Variants in MALRD1 observed in about 807,000 individuals in gnomAD.
MALRD1 encodes MAM and LDL-receptor class A domain-containing protein 1.
MALRD1 carries 247 observed loss-of-function variants against 242.1 expected under a neutral mutation model. That is an observed-to-expected ratio of 1.02 (90% CI 0.92 to 1.13). The LOEUF (loss-of-function observed/expected upper bound fraction) is 1.13, where lower values mean the gene tolerates loss of function less well. Among genes scored for constraint, MALRD1 ranks in the 50% most tolerant of loss-of-function variants. The pLI, the probability that MALRD1 is intolerant of heterozygous loss-of-function variation, is 0.00. For synonymous variants in MALRD1, 995 were observed against 866.6 expected, an observed-to-expected ratio of 1.15 and a Z score of -2.60; for missense variants, 2,989 against 2,533.1, an observed-to-expected ratio of 1.18 and a Z score of -3.86.
intron 31 of MALRD1, among the ~76,000 whole-genome samples, chr10:19,530,696 A>G (rs1834375451): frequency 6.6e-6 from 1 of 151,734 alleles, no homozygotes; most frequent in Admixed American, 6.6e-5. Flanking sequence ...TTGAGAAGAA[A>G]AGAAATAGTG....
intron 29 of MALRD1, chr10:19,491,221 G>T (rs921299671): frequency 3.3e-6 from 2 of 607,614 alleles, no homozygotes; most frequent in South Asian, 1.5e-5. Flanking sequence ...CCTTTACCAG[G>T]TTCCAGGTAG....
chr10:19,082,768 A>G (rs1835535116), intron 2 of MALRD1, among the ~76,000 whole-genome samples: 1 of 151,972 alleles, frequency 6.6e-6, no homozygotes, highest in Non-Finnish European at 1.5e-5. Context: ...TGTTGTAGTT[A>G]TAGTTGTTTT....
chr10:19,711,603 C>T lies in MALRD1; in HGVS notation c.6314+19049C>T, dbSNP rs539106387. On this transcript the variant is annotated intron_variant, in intron 38 of 39. Coordinates refer to ENST00000454679, the MANE Select transcript of MALRD1 (RefSeq NM_001142308.3). The stretch of plus-strand genomic sequence containing the variant: ...GTTGGTGCAGAGGTGCTGTATCACT[C>T]CAACCTAGACTCATGGATTGAAATC... Among the ~76,000 whole-genome samples the T allele has an allele frequency of 4.6e-5, 7 of 152,258 alleles. No homozygotes were observed. In the South Asian group the frequency reaches 1.5e-3, roughly 32 times the overall value.
chr10:19,291,661 A>C (rs1201145967), intron 21 of MALRD1, among the ~76,000 whole-genome samples: 1 of 152,150 alleles, frequency 6.6e-6, no homozygotes, highest in Non-Finnish European at 1.5e-5. Flanking sequence ...AGATATTGCT[A>C]AAAGAGGGTC....
intron 27 of MALRD1, among the ~76,000 whole-genome samples, chr10:19,388,615 T>C (rs1846190590): frequency 6.6e-6 from 1 of 152,166 alleles, no homozygotes; most frequent in South Asian, 2.1e-4. Context: ...GTTTGAAACC[T>C]ATAGAGATGC....
At chr10:19,212,061 G>T (rs147641256) in intron 18 of MALRD1, among the ~76,000 whole-genome samples, 2 of 152,110 alleles carry the variant, frequency 1.3e-5, no homozygotes, top group African/African-American at 4.8e-5. Flanking sequence ...AAAGGCTCAG[G>T]AAATCATTAC....
At chr10:19,492,565 C>T (rs1323642731) in intron 30 of MALRD1, among the ~76,000 whole-genome samples, 2 of 152,166 alleles carry the variant, frequency 1.3e-5, no homozygotes, top group African/African-American at 2.4e-5. Flanking sequence ...CTCCAGAGTA[C>T]TCCATGTGGC....
In MALRD1 at chr10:19,087,891, G is replaced by A. The variant is rs147349462; in HGVS notation, c.392G>A (p.Arg131Lys). 8.1e-4 allele frequency: 996 copies of A among 1,231,524 alleles called. No individual in the cohort carries two copies. The highest frequency in any genetic ancestry group is 9.5e-4 in the Non-Finnish European group (941 of 986,840). The allele number at this position is 1,231,524 out of a possible 1,614,324, so 76.3% of individuals were successfully genotyped here. Residue 131 changes from arginine to lysine, a missense_variant, in exon 3 of 40, where the codon AGA (arginine) becomes AAA (lysine). Physicochemically the swap from Arg to Lys is conservative, Grantham distance 26. Coordinates refer to ENST00000454679, the MANE Select transcript of MALRD1 (RefSeq NM_001142308.3). ...GTGGATTCTATTTCCTCAAGTTTAA[G>A]AAGCAGAGTTTTCCTTCCAACAAAT... Reference protein sequence around the residue: ...SRVDSISSSLRSRVFLPTNDQ... With the variant: ...SRVDSISSSLKSRVFLPTNDQ...
rs1174673634 is a variant in MALRD1, at chr10:19,148,773, T to TAA, written c.1558+2444_1558+2445dup. Among the ~76,000 whole-genome samples the TAA allele has an allele frequency of 7.1e-3, 807 of 114,426 alleles. 15 individuals are homozygous for TAA. The highest frequency in any genetic ancestry group is 0.011 in the South Asian group (37 of 3,228). The allele number at this position is 114,426 out of a possible 152,430, so 75.1% of individuals were successfully genotyped here. On this transcript the variant is annotated intron_variant, in intron 11 of 39. Coordinates refer to ENST00000454679, the MANE Select transcript of MALRD1 (RefSeq NM_001142308.3). ...CTTTCTCATTTTAGAAAGGGCCAAT[T>TAA]AAAAAAAAAAAAAAAATATATATAT...
At chr10:19,341,478 A>T (rs930091451) in intron 24 of MALRD1, among the ~76,000 whole-genome samples, 1 of 87,514 alleles carries the variant, frequency 1.1e-5, no homozygotes, top group Admixed American at 1.2e-4. Context: ...ATATGTATAT[A>T]TATGTGTATA....
intron 25 of MALRD1, among the ~76,000 whole-genome samples, chr10:19,351,598 A>T (rs773242498): frequency 6.6e-5 from 10 of 152,186 alleles, no homozygotes; most frequent in African/African-American, 1.2e-4. Context: ...GTTTCATGAG[A>T]TTAAAAATAA....
intron 18 of MALRD1, among the ~76,000 whole-genome samples, chr10:19,236,482 A>G (rs560636879): frequency 2.6e-5 from 4 of 152,264 alleles, no homozygotes; most frequent in African/African-American, 4.8e-5. Context: ...TAGAAGGCCT[A>G]TTAGGTTCCA....
At chr10:19,464,947 AATTTT>A (rs1432068762) in intron 29 of MALRD1, among the ~76,000 whole-genome samples, 21 of 81,030 alleles carry the variant, frequency 2.6e-4, no homozygotes, top group African/African-American at 8.1e-4. Context: ...GTATAATTCC[AATTTT>A]TTTTTTTTTT....
At chr10:19,076,041 G>A (rs898981630) in intron 2 of MALRD1, among the ~76,000 whole-genome samples, 1 of 151,854 alleles carries the variant, frequency 6.6e-6, no homozygotes. Flanking sequence ...GGTATGATTT[G>A]GGGGAAAATC....
chr10:19,485,012 G>A (rs1369696173), intron 29 of MALRD1, among the ~76,000 whole-genome samples: 18 of 152,046 alleles, frequency 1.2e-4, no homozygotes, highest in Admixed American at 1.2e-3. Context: ...AATGAAATAA[G>A]GTCTTTTGCA....
chr10:19,555,423 T>C (rs1835677186), intron 32 of MALRD1, among the ~76,000 whole-genome samples: 1 of 152,064 alleles, frequency 6.6e-6, no homozygotes, highest in African/African-American at 2.4e-5. Flanking sequence ...TCATTAAGAA[T>C]GTAACTTTGA....
At chr10:19,319,891 A>G (rs1312008450) in intron 21 of MALRD1, among the ~76,000 whole-genome samples, 1 of 102,560 alleles carries the variant, frequency 9.8e-6, no homozygotes, top group Non-Finnish European at 2.2e-5. Context: ...CTTTATAATG[A>G]GTCTTTTTTT....
At chr10:19,047,980 C>G (rs551257016), upstream of MALRD1, among the ~76,000 whole-genome samples, 69 of 152,238 alleles carry the variant, frequency 4.5e-4, no homozygotes, top group Middle Eastern at 3.4e-3. Context: ...ATGTATAGAA[C>G]ATTCAACATC....
At chr10:19,668,992 C>T (rs1010434653) in intron 36 of MALRD1, among the ~76,000 whole-genome samples, 2 of 152,182 alleles carry the variant, frequency 1.3e-5, no homozygotes, top group Non-Finnish European at 2.9e-5. Context: ...TATTCCAAGG[C>T]CCTCCACAGG....
Sources: gnomAD v4.1 joint callset for allele counts (sites outside exome capture counted in the v4.1 genomes callset) on GRCh38, gnomAD v4.1.1 for gene constraint, MANE v1.5 for transcripts, NCBI Gene and HGNC (gene_info 2026-07-23, HGNC 2026-07-21) for gene names.